The following GUCA1B variants were observed in gnomAD, a reference collection of about 807,000 sequenced individuals.
GUCA1B encodes the protein guanylate cyclase activator 1B, also known as guanylyl cyclase-activating protein 2.
In GUCA1B, 22 loss-of-function variants were observed where a neutral mutation model predicts 24.2. That is an observed-to-expected ratio of 0.91 (90% CI 0.65 to 1.30). The LOEUF is 1.30. Among genes scored for constraint, GUCA1B ranks in the 50% most tolerant of loss-of-function variants. The pLI is 0.00. For synonymous variants in GUCA1B, 100 were observed against 97.9 expected (o/e 1.02, Z -0.13); for missense variants, 221 against 258.8 (o/e 0.85, Z 1.00).
chr6:42,190,950 C>A lies in GUCA1B; in HGVS notation c.208-2219G>T, dbSNP rs184083551. Among the ~76,000 whole-genome samples, 24 of 152,282 alleles carry A rather than the reference C, an allele frequency of 1.6e-4. No individual in the cohort carries two copies. In the East Asian group the frequency reaches 4.6e-3, roughly 29 times the overall value. On this transcript the variant is annotated intron_variant, in intron 1 of 3. Coordinates refer to ENST00000230361, the MANE Select transcript of GUCA1B (RefSeq NM_002098.6). ...CCATGACTCCTTGCCTTATATGAGA[C>A]ATATTCCAGAGTGATCTCTAGACAA...
At chr6:42,191,233 T>C (rs928169976) in intron 1 of GUCA1B, among the ~76,000 whole-genome samples, 2 of 152,074 alleles carry the variant, frequency 1.3e-5, no homozygotes, top group Admixed American at 6.6e-5. Context: ...TATATAAGAA[T>C]CCTAAATGAC....
rs374735764 is a variant in GUCA1B, at chr6:42,194,840, A to G, written c.-20T>C. The G allele has an allele frequency of 2.6e-6, 4 of 1,520,144 alleles. No homozygotes were observed. Among genetic ancestry groups the G allele is most frequent in the Non-Finnish European group, 2.7e-6 (3 of 1,119,524 alleles). The allele number at this position is 1,520,144 out of a possible 1,614,324, so 94.2% of individuals were successfully genotyped here. A position where few individuals can be genotyped will look rare whatever the true frequency, so the allele number is the denominator to read the frequency against. On this transcript the variant is annotated 5_prime_UTR_variant, in exon 1 of 4. Coordinates refer to ENST00000230361, the MANE Select transcript of GUCA1B (RefSeq NM_002098.6). ...CCCCATGCTAGCCCTGAGGAGCATC[A>G]GGGAGCAAGGGTCTGTATCTCCTCC...
chr6:42,187,386 G>A (rs1255215038), intron 2 of GUCA1B, among the ~76,000 whole-genome samples: 1 of 148,738 alleles, frequency 6.7e-6, no homozygotes, highest in Non-Finnish European at 1.5e-5. Flanking sequence ...TTACAGGCGT[G>A]GGCCACCGTG....
At chr6:42,188,767 C>T in intron 1 of GUCA1B, 36 bp from the exon 2 acceptor site, 1 of 1,597,122 alleles carries the variant, frequency 6.3e-7, no homozygotes, top group Non-Finnish European at 8.5e-7. Flanking sequence ...GGGCACAGCC[C>T]ACCTCCCCAG....
At chr6:42,193,906 CT>C (rs1768354316) in intron 1 of GUCA1B, among the ~76,000 whole-genome samples, 2 of 152,186 alleles carry the variant, frequency 1.3e-5, no homozygotes, top group African/African-American at 4.8e-5. Flanking sequence ...ACTGGATAAC[CT>C]TAAATAATCA....
Position 42,188,666 on chromosome 6 carries a change from C to T in GUCA1B, c.273G>A (p.Glu91=). ...TCTTGAATGTCCACTTCAGCTTGTG[C>T]TCCAGGGTGCCCCTCAGCACGAGAT... The part of the protein sequence containing the change: ...ALNLVLRGTL[E]HKLKWTFKIY... The change falls in exon 2 of 4, where the codon GAG becomes GAA. Residue 91 remains glutamate, a synonymous_variant. Coordinates refer to ENST00000230361, the MANE Select transcript of GUCA1B (RefSeq NM_002098.6). The T allele has an allele frequency of 6.2e-7, 1 of 1,614,074 alleles. No individual in the cohort carries two copies. Among genetic ancestry groups the T allele is most frequent in the East Asian group, 2.2e-5 (1 of 44,874 alleles).
At chr6:42,189,413 T>C (rs1024835303) in intron 1 of GUCA1B, among the ~76,000 whole-genome samples, 5 of 152,234 alleles carry the variant, frequency 3.3e-5, no homozygotes, top group South Asian at 4.1e-4. Context: ...TGTAAGCCAA[T>C]AGATATTCAT....
Position 42,188,567 on chromosome 6 carries a change from G to T in GUCA1B, c.357+15C>A. 1 of 1,613,638 alleles carries T rather than the reference G, an allele frequency of 6.2e-7. No individual in the cohort carries two copies. Among genetic ancestry groups the T allele is most frequent in the Non-Finnish European group, 8.5e-7 (1 of 1,179,648 alleles). On this transcript the variant is annotated intron_variant, in intron 2 of 3. Coordinates refer to ENST00000230361, the MANE Select transcript of GUCA1B (RefSeq NM_002098.6). ...CTAGTGCCCAGGCTGCTGGCCCATGGGCAGAGACACTAACCTCCACAATGT... is the reference window on the plus strand; with the variant it reads ...CTAGTGCCCAGGCTGCTGGCCCATGTGCAGAGACACTAACCTCCACAATGT...
chr6:42,194,780 C>A lies in GUCA1B; in HGVS notation c.41G>T (p.Gly14Val). ...EFSWEEAEAA[G>V]EIDVAELQEW... ...CTGGAGCTCCGCCACATCTATCTCGCCAGCTGCCTCCGCCTCCTCCCAGCT... is the reference window on the plus strand; with the variant it reads ...CTGGAGCTCCGCCACATCTATCTCGACAGCTGCCTCCGCCTCCTCCCAGCT... Residue 14 changes from glycine to valine, a missense_variant, in exon 1 of 4, where the codon GGC (glycine) becomes GTC (valine). Gly to Val is a moderately radical substitution (Grantham distance 109). Transcript: ENST00000230361. 2 of 1,588,156 alleles carry A rather than the reference C, an allele frequency of 1.3e-6. No individual in the cohort carries two copies. Among genetic ancestry groups the A allele is most frequent in the Non-Finnish European group, 1.7e-6 (2 of 1,167,144 alleles).
chr6:42,193,864 T>C (rs1768351334), intron 1 of GUCA1B, among the ~76,000 whole-genome samples: 1 of 152,192 alleles, frequency 6.6e-6, no homozygotes, highest in South Asian at 2.1e-4. Flanking sequence ...ATTTGAGGTA[T>C]TTGAGGTATT....
intron 2 of GUCA1B, among the ~76,000 whole-genome samples, chr6:42,186,462 G>A (rs1768194277): frequency 6.6e-6 from 1 of 152,120 alleles, no homozygotes; most frequent in South Asian, 2.1e-4. Context: ...GCAAGGTGGT[G>A]GGCGCCTGTA....
chr6:42,185,032 C>T (rs1344060695), intron 3 of GUCA1B, 90 bp from the exon 4 acceptor site: 2 of 1,243,002 alleles, frequency 1.6e-6, no homozygotes, highest in African/African-American at 1.5e-5. Flanking sequence ...CAGGATGCGC[C>T]TACACGTCTT....
chr6:42,186,017 C>T (rs1478023921), intron 2 of GUCA1B, among the ~76,000 whole-genome samples: 1 of 152,214 alleles, frequency 6.6e-6, no homozygotes, highest in East Asian at 1.9e-4. Context: ...CCTCACACCC[C>T]ACCTGACCCC....
intron 1 of GUCA1B, 115 bp from the exon 2 acceptor site, chr6:42,188,846 T>G: frequency 1.0e-6 from 1 of 984,504 alleles, no homozygotes; most frequent in South Asian, 1.4e-5. Flanking sequence ...GGCCTCTGTG[T>G]CTTTGCTCAA....
In GUCA1B at chr6:42,188,660, C is replaced by T; in HGVS notation, c.279G>A (p.Lys93=). The T allele has an allele frequency of 6.2e-7, 1 of 1,614,112 alleles. No individual in the cohort carries two copies. Among genetic ancestry groups the T allele is most frequent in the Non-Finnish European group, 8.5e-7 (1 of 1,179,986 alleles). Residue 93 remains lysine, a synonymous_variant, in exon 2 of 4, where the codon AAG becomes AAA. Coordinates refer to ENST00000230361, the MANE Select transcript of GUCA1B (RefSeq NM_002098.6). ...CATAGATCTTGAATGTCCACTTCAGCTTGTGCTCCAGGGTGCCCCTCAGCA... is the reference window on the plus strand; with the variant it reads ...CATAGATCTTGAATGTCCACTTCAGTTTGTGCTCCAGGGTGCCCCTCAGCA... ...NLVLRGTLEH[K]LKWTFKIYDK...
chr6:42,186,898 G>A (rs377551164), intron 2 of GUCA1B, among the ~76,000 whole-genome samples: 379 of 152,304 alleles, frequency 2.5e-3, no homozygotes, highest in Non-Finnish European at 3.8e-3. Flanking sequence ...GCCTCATAGC[G>A]CGGGTCTGGC....
chr6:42,184,824 G>C lies in GUCA1B; in HGVS notation c.594C>G (p.Ala198=). 6.2e-7 allele frequency: 1 copy of C among 1,613,984 alleles called. No individual in the cohort carries two copies. The highest frequency in any genetic ancestry group is 8.5e-7 in the Non-Finnish European group (1 of 1,179,944). Residue 198 remains alanine (A), a synonymous_variant, in exon 4 of 4, where the codon GCC becomes GCG. Coordinates refer to ENST00000230361, the MANE Select transcript of GUCA1B (RefSeq NM_002098.6). ...SWLAQQRRKS[A]MF is the part of the protein sequence containing the mutation. ...AGGGGCCCCAGACTCCTCAGAACATGGCACTTTTCCGTCTCTGCTGAGCGA... is the reference window on the plus strand; with the variant it reads ...AGGGGCCCCAGACTCCTCAGAACATCGCACTTTTCCGTCTCTGCTGAGCGA...
chr6:42,186,410 T>A (rs1768193430), intron 2 of GUCA1B, among the ~76,000 whole-genome samples: 1 of 152,148 alleles, frequency 6.6e-6, no homozygotes, highest in Non-Finnish European at 1.5e-5. Context: ...CTGGCCAACA[T>A]GATGAAATCC....
intron 1 of GUCA1B, among the ~76,000 whole-genome samples, chr6:42,192,966 T>C (rs1237922206): frequency 4.6e-5 from 7 of 152,168 alleles, no homozygotes; most frequent in African/African-American, 1.7e-4. Flanking sequence ...AGTATATGTA[T>C]AAATTATGTA....
Sources: gnomAD v4.1 joint callset for allele counts (sites outside exome capture counted in the v4.1 genomes callset) on GRCh38, gnomAD v4.1.1 for gene constraint, MANE v1.5 for transcripts, NCBI Gene and HGNC (gene_info 2026-07-23, HGNC 2026-07-21) for gene names.